INPP5D: variants seen among roughly 807,000 people sequenced by gnomAD.
INPP5D encodes the protein phosphatidylinositol 3,4,5-trisphosphate 5-phosphatase 1.
In INPP5D, 33 loss-of-function variants were observed where a neutral mutation model predicts 122.9. That is an observed-to-expected ratio of 0.27 (90% CI 0.20 to 0.36). The LOEUF (loss-of-function observed/expected upper bound fraction) is 0.36, where lower values mean the gene tolerates loss of function less well. Among genes scored for constraint, INPP5D ranks in the 10% least tolerant of loss-of-function variants. The pLI is 1.00. For missense variants in INPP5D, 1,053 were observed against 1,412.7 expected, an observed-to-expected ratio of 0.75 and a Z score of 4.08; for synonymous variants, 584 against 576.2, an observed-to-expected ratio of 1.01 and a Z score of -0.19.
At chr2:233,121,665 G>GCCA (rs1392045790) in intron 2 of INPP5D, among the ~76,000 whole-genome samples, 1 of 151,588 alleles carries the variant, frequency 6.6e-6, no homozygotes, top group Non-Finnish European at 1.5e-5. Flanking sequence ...ACAGGCACCT[G>GCCA]CCACCACGCC....
intron 1 of INPP5D, among the ~76,000 whole-genome samples, chr2:233,062,639 G>A (rs560535574): frequency 4.6e-5 from 7 of 152,240 alleles, no homozygotes; most frequent in South Asian, 2.1e-4. Flanking sequence ...CCTCTCAGCC[G>A]AAGCCTCGTC....
chr2:233,175,785 C>T (rs1393934944), intron 17 of INPP5D, among the ~76,000 whole-genome samples: 2 of 151,594 alleles, frequency 1.3e-5, no homozygotes, highest in East Asian at 1.9e-4. Context: ...TGGGTTCAAG[C>T]GATTCTCCTG....
chr2:233,080,596 G>A (rs1000079737), intron 2 of INPP5D, among the ~76,000 whole-genome samples: 8 of 152,186 alleles, frequency 5.3e-5, no homozygotes, highest in African/African-American at 1.9e-4. Context: ...CAATGACGGC[G>A]TTGGAGGAGT....
Position 233,128,838 on chromosome 2 carries a change from C to G in INPP5D, c.525-1670C>G, listed in dbSNP as rs1246741835. ...TCTTTCACAGATTCCACAGGAAAAG[C>G]CTTGTGGCCTTTAGTTTCAATTTGA... is the stretch of plus-strand genomic sequence containing the variant. On this transcript the variant is annotated intron_variant, in intron 4 of 26. Transcript: ENST00000445964. The surrounding 1 kb of genome is among the most constrained non-coding windows in gnomAD (Gnocchi z 4.5). 1.3e-5 allele frequency among the ~76,000 whole-genome samples: 2 copies of G among 152,132 alleles called. No individual in the cohort carries two copies. Among genetic ancestry groups the G allele is most frequent in the Non-Finnish European group, 2.9e-5 (2 of 68,030 alleles).
At chr2:233,063,375 A>G (rs942874008) in intron 1 of INPP5D, among the ~76,000 whole-genome samples, 2 of 152,222 alleles carry the variant, frequency 1.3e-5, no homozygotes, top group African/African-American at 4.8e-5. Context: ...CTGGTGGGCA[A>G]GGGGACAACG....
At chr2:233,097,925 C>A (rs561317944) in intron 2 of INPP5D, among the ~76,000 whole-genome samples, 1 of 150,918 alleles carries the variant, frequency 6.6e-6, no homozygotes, top group Non-Finnish European at 1.5e-5. Flanking sequence ...CTCACTCTGT[C>A]GCCTAGGCTG....
intron 14 of INPP5D, 172 bp from the exon 15 acceptor site, chr2:233,169,854 T>G (rs1694444831): frequency 3.1e-6 from 4 of 1,271,534 alleles, no homozygotes; most frequent in Non-Finnish European, 4.4e-6. Context: ...ATCCTGGCTG[T>G]GCCATATTTG....
At chr2:233,158,065 GA>G (rs1694101892) in intron 9 of INPP5D, among the ~76,000 whole-genome samples, 1 of 152,162 alleles carries the variant, frequency 6.6e-6, no homozygotes, top group African/African-American at 2.4e-5. Context: ...GGAGAAAGAT[GA>G]AAAGACGATC....
chr2:233,171,173 C>T (rs1362184837), intron 17 of INPP5D, 21 bp downstream of exon 17: 1 of 1,612,070 alleles, frequency 6.2e-7, no homozygotes, highest in East Asian at 2.2e-5. Flanking sequence ...TTCATAGACA[C>T]CTTCCCTGCC....
chr2:233,123,234 T>C (rs913746015), intron 3 of INPP5D, among the ~76,000 whole-genome samples: 2 of 152,062 alleles, frequency 1.3e-5, no homozygotes, highest in African/African-American at 4.8e-5. Flanking sequence ...GGCGGGCAGA[T>C]CACGAGGTCA....
At chr2:233,121,117 CTTTCTTTTTTTTT>C (rs1367934323) in intron 2 of INPP5D, among the ~76,000 whole-genome samples, 29 of 128,622 alleles carry the variant, frequency 2.3e-4, no homozygotes, top group East Asian at 1.5e-3. Context: ...TTCTTTCTTT[CTTTCTTTTTTTTT>C]TTTCTTTTTT....
intron 2 of INPP5D, among the ~76,000 whole-genome samples, chr2:233,108,764 C>T (rs931646622): frequency 1.3e-5 from 2 of 152,184 alleles, no homozygotes; most frequent in Non-Finnish European, 2.9e-5. Context: ...CACGGGGCAC[C>T]GTTCCTTCCT....
At chr2:233,166,855 G>A (rs980830121) in intron 13 of INPP5D, among the ~76,000 whole-genome samples, 24 of 152,146 alleles carry the variant, frequency 1.6e-4, no homozygotes, top group Admixed American at 4.6e-4. Context: ...GTGGTGGTGC[G>A]CACCTGTAAT....
chr2:233,090,953 C>T lies in INPP5D; in HGVS notation c.198+11555C>T, dbSNP rs144615122. ...GGCCTGGGTGACAAGAGCAAAATTCCGTCTCAAAGAAAAAAAAAAAAAAAA... is the reference window on the plus strand; with the variant it reads ...GGCCTGGGTGACAAGAGCAAAATTCTGTCTCAAAGAAAAAAAAAAAAAAAA... On this transcript the variant is annotated intron_variant, in intron 2 of 26. Coordinates refer to ENST00000445964, the MANE Select transcript of INPP5D (RefSeq NM_001017915.3). Among the ~76,000 whole-genome samples the T allele has an allele frequency of 3.6e-3, 533 of 149,156 alleles. 2 individuals carry two copies. Among genetic ancestry groups the T allele is most frequent in the African/African-American group, 0.012 (486 of 40,370 alleles).
At position 233,091,591 on chromosome 2, in the gene INPP5D, G is replaced by A. The variant is rs150347045; in HGVS notation, c.198+12193G>A. Among the ~76,000 whole-genome samples the A allele has an allele frequency of 1.2e-3, 182 of 152,278 alleles. 1 individual carries two copies. In the East Asian group the frequency reaches 0.019, roughly 16 times the overall value. ...CTCATAATGCCGTTTCTAGGGCTCT[G>A]ACTCTCTGCCTCCCTCTTCCCCTTA... is the stretch of plus-strand genomic sequence containing the variant. On this transcript the variant is annotated intron_variant, in intron 2 of 26. Transcript: ENST00000445964.
intron 2 of INPP5D, among the ~76,000 whole-genome samples, chr2:233,101,104 A>T (rs1037366261): frequency 6.6e-6 from 1 of 152,156 alleles, no homozygotes; most frequent in Non-Finnish European, 1.5e-5. Flanking sequence ...CTGGGGACTG[A>T]AGGGATGATT....
chr2:233,194,175 C>G (rs898632761), intron 23 of INPP5D, among the ~76,000 whole-genome samples: 1 of 152,184 alleles, frequency 6.6e-6, no homozygotes, highest in Non-Finnish European at 1.5e-5. Context: ...AGATCACCCT[C>G]CCCGACCCTG....
At chr2:233,079,458 G>A (rs1388773803) in intron 2 of INPP5D, 60 bp downstream of exon 2, 1 of 1,086,008 alleles carries the variant, frequency 9.2e-7, no homozygotes, top group Non-Finnish European at 1.4e-6. Context: ...GGCAGAGAAA[G>A]GGTGTAAACG....
At chr2:233,081,706 T>C (rs1691693814) in intron 2 of INPP5D, among the ~76,000 whole-genome samples, 1 of 152,022 alleles carries the variant, frequency 6.6e-6, no homozygotes, top group Admixed American at 6.6e-5. Flanking sequence ...GCAGCCTTTG[T>C]GGAGATGTGC....
Sources: gnomAD v4.1 joint callset for allele counts (sites outside exome capture counted in the v4.1 genomes callset) on GRCh38, gnomAD v4.1.1 for gene constraint, Gnocchi (gnomAD v3.1) non-coding constraint, MANE v1.5 for transcripts, NCBI Gene and HGNC (gene_info 2026-07-23, HGNC 2026-07-21) for gene names.